Variants in SGCD observed in about 807,000 individuals in gnomAD.
SGCD encodes the protein delta-sarcoglycan.
A neutral mutation model predicts 36.6 loss-of-function variants in SGCD; 18 were observed. The observed-to-expected ratio is 0.49, with a 90% CI of 0.34 to 0.73. The LOEUF (loss-of-function observed/expected upper bound fraction) is 0.73. SGCD is among the 30% of genes least tolerant of loss of function. The pLI, the probability that SGCD is intolerant of heterozygous loss-of-function variation, is 0.01. For synonymous variants in SGCD, 133 were observed against 130.6 expected, an observed-to-expected ratio of 1.02 and a Z score of -0.12; for missense variants, 387 against 346.7, an observed-to-expected ratio of 1.12 and a Z score of -0.92.
the SGCD span, among the ~76,000 whole-genome samples, chr5:155,796,336 C>T: frequency 6.6e-6 from 1 of 152,048 alleles, no homozygotes. Flanking sequence ...AATTATACCT[C>T]ACACTCTAAA....
chr5:156,049,868 A>G (rs1352790555), intron 1 of SGCD, among the ~76,000 whole-genome samples: 2 of 146,428 alleles, frequency 1.4e-5, no homozygotes, highest in African/African-American at 4.9e-5. Context: ...GGAACTAGCC[A>G]GAGAACTGGA....
chr5:156,091,042 T>C (rs1281556821), intron 1 of SGCD, among the ~76,000 whole-genome samples: 1 of 152,204 alleles, frequency 6.6e-6, no homozygotes, highest in Non-Finnish European at 1.5e-5. Context: ...AAACAATTTG[T>C]ACAGTTAATG....
intron 1 of SGCD, among the ~76,000 whole-genome samples, chr5:155,874,619 C>T (rs903545142): frequency 6.6e-6 from 1 of 152,048 alleles, no homozygotes; most frequent in Non-Finnish European, 1.5e-5. Flanking sequence ...ACAGACATTT[C>T]ACCTAGGAAC....
Position 156,256,582 on chromosome 5 carries a change from G to A in SGCD, c.-43-72952G>A, listed in dbSNP as rs532665464. On this transcript the variant is annotated intron_variant, in intron 3 of 9. Transcript: ENST00000517913. ...CCTTTCTCCTCTTGATAGATATTTG[G>A]TTCATTTCCCGTTCTTAGTAATTTT... 5.3e-5 allele frequency among the ~76,000 whole-genome samples: 8 copies of A among 152,134 alleles called. No homozygotes were observed. In the East Asian group the frequency reaches 1.3e-3, roughly 26 times the overall value.
chr5:156,224,391 C>A (rs1166213896), intron 3 of SGCD, among the ~76,000 whole-genome samples: 2 of 152,002 alleles, frequency 1.3e-5, no homozygotes, highest in Non-Finnish European at 2.9e-5. Flanking sequence ...GTGGCCCAGA[C>A]AAAAGGAAAA....
intron 7 of SGCD, among the ~76,000 whole-genome samples, chr5:156,730,289 G>A (rs187209901): frequency 2.0e-5 from 3 of 152,154 alleles, no homozygotes; most frequent in Non-Finnish European, 2.9e-5. Context: ...GTAAACTTGT[G>A]ACATGGGTGT....
chr5:156,573,847 C>G (rs576240034), intron 4 of SGCD, among the ~76,000 whole-genome samples: 1 of 152,042 alleles, frequency 6.6e-6, no homozygotes, highest in African/African-American at 2.4e-5. Context: ...GCACATGTCA[C>G]CATGCCCAGC....
intron 1 of SGCD, among the ~76,000 whole-genome samples, chr5:155,895,271 A>G (rs1415736357): frequency 6.6e-6 from 1 of 152,210 alleles, no homozygotes. Flanking sequence ...CATTCTGGTG[A>G]AAGTTTTGAG....
intron 4 of SGCD, among the ~76,000 whole-genome samples, chr5:156,540,707 G>A (rs753442456): frequency 1.9e-4 from 29 of 152,116 alleles, no homozygotes; most frequent in Non-Finnish European, 3.2e-4. Flanking sequence ...AAATCCTAAT[G>A]AGCCACGTTC....
the SGCD span, among the ~76,000 whole-genome samples, chr5:155,838,110 GT>G: frequency 1.3e-5 from 2 of 151,920 alleles, no homozygotes; most frequent in African/African-American, 4.8e-5. Flanking sequence ...GTATCATATT[GT>G]TTTATCTGTA....
At chr5:156,289,242 A>G (rs1766695586) in intron 3 of SGCD, among the ~76,000 whole-genome samples, 3 of 152,140 alleles carry the variant, frequency 2.0e-5, no homozygotes, top group South Asian at 4.1e-4. Flanking sequence ...TTAACATCAT[A>G]TAATTAGTTG....
the SGCD span, among the ~76,000 whole-genome samples, chr5:155,762,297 G>GA: frequency 2.0e-5 from 3 of 151,954 alleles, no homozygotes; most frequent in African/African-American, 4.8e-5. Flanking sequence ...TTATCTATCT[G>GA]AAAAAAAGAC....
the SGCD span, among the ~76,000 whole-genome samples, chr5:155,853,261 T>G: frequency 3.9e-4 from 59 of 152,222 alleles, no homozygotes; most frequent in African/African-American, 1.4e-3. Context: ...CCCTTCTCAT[T>G]TAGCTTCTTA....
chr5:155,915,272 C>T (rs903316583), intron 1 of SGCD, among the ~76,000 whole-genome samples: 1 of 152,144 alleles, frequency 6.6e-6, no homozygotes. Context: ...TGTTTATGCA[C>T]TCTATGTGTG....
intron 1 of SGCD, among the ~76,000 whole-genome samples, chr5:156,112,931 T>G (rs1387639101): frequency 1.3e-5 from 2 of 152,224 alleles, no homozygotes; most frequent in Non-Finnish European, 2.9e-5. Context: ...AAAATCTAAT[T>G]TAATCTTTCT....
At chr5:156,615,567 G>T (rs1489581523) in intron 6 of SGCD, among the ~76,000 whole-genome samples, 1 of 152,118 alleles carries the variant, frequency 6.6e-6, no homozygotes, top group Admixed American at 6.6e-5. Flanking sequence ...GATAATTTCA[G>T]TGAAAGGGGT....
At chr5:156,041,580 C>A (rs1013415896) in intron 1 of SGCD, among the ~76,000 whole-genome samples, 1 of 152,122 alleles carries the variant, frequency 6.6e-6, no homozygotes, top group African/African-American at 2.4e-5. Context: ...CATCCATCAA[C>A]CATTTATTGA....
chr5:156,557,104 A>G (rs1310384645), intron 4 of SGCD, among the ~76,000 whole-genome samples: 4 of 152,126 alleles, frequency 2.6e-5, no homozygotes, highest in African/African-American at 4.8e-5. Context: ...ATTTGAGAAA[A>G]TCAAGCATGG....
At chr5:156,689,532 A>G (rs989026384) in intron 7 of SGCD, among the ~76,000 whole-genome samples, 1 of 152,202 alleles carries the variant, frequency 6.6e-6, no homozygotes, top group South Asian at 2.1e-4. Context: ...TTTATCATTT[A>G]AAAAATGACG....
Sources: gnomAD v4.1 joint callset for allele counts (sites outside exome capture counted in the v4.1 genomes callset) on GRCh38, gnomAD v4.1.1 for gene constraint, MANE v1.5 for transcripts, NCBI Gene and HGNC (gene_info 2026-07-23, HGNC 2026-07-21) for gene names.